FARP1: variants seen among roughly 807,000 people sequenced by gnomAD.
FARP1 encodes the protein FERM, ARHGEF and pleckstrin domain-containing protein 1.
FARP1 carries 52 observed loss-of-function variants against 128.8 expected under a neutral mutation model. The observed-to-expected ratio is 0.40, with a 90% CI of 0.32 to 0.51. The LOEUF (loss-of-function observed/expected upper bound fraction) is 0.51. Among genes scored for constraint, FARP1 ranks in the 20% least tolerant of loss-of-function variants. FARP1 has a pLI of 0.45. For missense variants in FARP1, 1,333 were observed against 1,367.9 expected, an observed-to-expected ratio of 0.97 and a Z score of 0.40; for synonymous variants, 580 against 551.8, an observed-to-expected ratio of 1.05 and a Z score of -0.72.
chr13:98,394,340 C>A (rs1409905616), intron 12 of FARP1, among the ~76,000 whole-genome samples: 2 of 152,184 alleles, frequency 1.3e-5, no homozygotes, highest in Non-Finnish European at 2.9e-5. Flanking sequence ...TCCAAAAAAA[C>A]CCCTTTCCCC....
At chr13:98,369,227 A>C (rs1250317406) in intron 5 of FARP1, among the ~76,000 whole-genome samples, 2 of 152,094 alleles carry the variant, frequency 1.3e-5, no homozygotes, top group Non-Finnish European at 2.9e-5. Flanking sequence ...GCCCAACCTC[A>C]TTTTATAATT....
chr13:98,439,844 T>A, intron 21 of FARP1, 117 bp from the exon 22 acceptor site: 1 of 705,670 alleles, frequency 1.4e-6, no homozygotes. Flanking sequence ...GGGCTCTGGG[T>A]CTCCTGAGCC....
intron 1 of FARP1, among the ~76,000 whole-genome samples, chr13:98,169,760 T>C (rs1036401523): frequency 3.3e-5 from 5 of 152,342 alleles, no homozygotes; most frequent in East Asian, 1.9e-4. Context: ...GATTTTAAAG[T>C]GTCACAACTT....
intron 1 of FARP1, among the ~76,000 whole-genome samples, chr13:98,187,186 A>G (rs1477538261): frequency 6.6e-6 from 1 of 152,020 alleles, no homozygotes; most frequent in Non-Finnish European, 1.5e-5. Flanking sequence ...TTGACCTGGA[A>G]ACTAATGTAT....
At chr13:98,439,435 G>T (rs1892431762) in intron 21 of FARP1, among the ~76,000 whole-genome samples, 1 of 152,204 alleles carries the variant, frequency 6.6e-6, no homozygotes, top group African/African-American at 2.4e-5. Flanking sequence ...TCCTTCTCCT[G>T]CACATGGGAT....
intron 1 of FARP1, among the ~76,000 whole-genome samples, chr13:98,200,387 A>ACCCCCCC (rs34861204): frequency 2.4e-4 from 31 of 127,604 alleles, no homozygotes; most frequent in South Asian, 5.5e-4. Flanking sequence ...TGCAACCTTC[A>ACCCCCCC]CCCCCCCCCC....
At chr13:98,148,999 A>T (rs1875777735) in intron 1 of FARP1, among the ~76,000 whole-genome samples, 1 of 151,486 alleles carries the variant, frequency 6.6e-6, no homozygotes, top group Non-Finnish European at 1.5e-5. Flanking sequence ...TGATCCTCTC[A>T]CGTCGGCCTC....
chr13:98,309,874 T>G (rs1224273522), intron 2 of FARP1, among the ~76,000 whole-genome samples: 1 of 152,150 alleles, frequency 6.6e-6, no homozygotes, highest in Non-Finnish European at 1.5e-5. Flanking sequence ...TTTAACACAA[T>G]GGGAGATACA....
chr13:98,384,619 C>T, intron 6 of FARP1, 111 bp from the exon 7 acceptor site: 4 of 661,548 alleles, frequency 6.0e-6, no homozygotes, highest in Non-Finnish European at 1.1e-5. Flanking sequence ...TCCCCACCAA[C>T]TGGGCTCACC....
chr13:98,443,939 C>T (rs1317631724), intron 24 of FARP1, among the ~76,000 whole-genome samples: 9 of 8,912 alleles, frequency 1.0e-3, no homozygotes, highest in Non-Finnish European at 2.4e-3. Context: ...ATTTGTTCCC[C>T]GTGGCGTCAC....
intron 5 of FARP1, among the ~76,000 whole-genome samples, chr13:98,372,700 C>T (rs181625632): frequency 5.8e-4 from 88 of 152,316 alleles, no homozygotes; most frequent in African/African-American, 2.0e-3. Flanking sequence ...ATGGGTGTGA[C>T]ATGTGACTCT....
chr13:98,151,747 C>T (rs1478845542), intron 1 of FARP1, among the ~76,000 whole-genome samples: 5 of 136,688 alleles, frequency 3.7e-5, no homozygotes, highest in Admixed American at 3.6e-4. Context: ...CTGCAACCTC[C>T]GCCTCCCGGG....
chr13:98,150,657 A>G (rs1003568630), intron 1 of FARP1, among the ~76,000 whole-genome samples: 1 of 152,236 alleles, frequency 6.6e-6, no homozygotes, highest in African/African-American at 2.4e-5. Flanking sequence ...GTAAGGCAAG[A>G]GAAAAGGAGC....
At position 98,449,881 on chromosome 13, in the gene FARP1, CCCCCACTGTT is replaced by C. The variant is rs1435006494; in HGVS notation, c.*1568_*1577del. 6.6e-6 allele frequency: 1 copy of C among 152,328 alleles called. No homozygotes were observed. Among genetic ancestry groups the C allele is most frequent in the Admixed American group, 6.6e-5 (1 of 15,260 alleles). The allele number at this position is 152,328 out of a possible 1,614,324, so 9.4% of individuals were successfully genotyped here. A position where few individuals can be genotyped will look rare whatever the true frequency, so the allele number is the denominator to read the frequency against. ...TCAGAGTGACACAGGGAGGGCCTGC[CCCCCACTGTT>C]CCCTATGCTCCCCCCACCTCCAGGC... On this transcript the variant is annotated 3_prime_UTR_variant, in exon 27 of 27. Transcript: ENST00000319562.
intron 16 of FARP1, among the ~76,000 whole-genome samples, chr13:98,413,852 A>C (rs1220856370): frequency 1.3e-5 from 2 of 152,182 alleles, no homozygotes; most frequent in Non-Finnish European, 2.9e-5. Context: ...GACATGTGTT[A>C]GTACCGTCTT....
At chr13:98,184,233 T>C (rs1351955043) in intron 1 of FARP1, among the ~76,000 whole-genome samples, 3 of 151,928 alleles carry the variant, frequency 2.0e-5, no homozygotes, top group Non-Finnish European at 4.4e-5. Context: ...TTCTCCTGCC[T>C]CAGCCTCCCA....
At chr13:98,415,904 T>C (rs1891357142) in intron 16 of FARP1, among the ~76,000 whole-genome samples, 1 of 152,232 alleles carries the variant, frequency 6.6e-6, no homozygotes, top group African/African-American at 2.4e-5. Context: ...CAGCTGTAGG[T>C]GTGGGCCTCG....
At position 98,236,738 on chromosome 13, in the gene FARP1, T is replaced by A. The variant is rs142610442; in HGVS notation, c.171+23325T>A. On this transcript the variant is annotated intron_variant, in intron 2 of 26. Transcript: ENST00000319562. ...GGCGTGGTGGCTCACGCCTGTAATG[T>A]TAGTACTTTGGGAAGCCAAGGCAGG... is the stretch of plus-strand genomic sequence containing the variant. Among the ~76,000 whole-genome samples the A allele has an allele frequency of 5.7e-4, 86 of 151,440 alleles. No individual in the cohort carries two copies. In the East Asian group the frequency reaches 0.016, roughly 28 times the overall value.
At chr13:98,405,045 G>A (rs1474237580) in intron 13 of FARP1, 1 of 152,166 alleles carries the variant, frequency 6.6e-6, no homozygotes, top group Non-Finnish European at 1.5e-5. Context: ...GATTAGAAAT[G>A]TTTTTCTTTT....
Sources: allele counts gnomAD v4.1 joint callset (sites outside exome capture counted in the v4.1 genomes callset), GRCh38; gene constraint gnomAD v4.1.1; transcripts MANE v1.5; gene names NCBI Gene and HGNC (gene_info 2026-07-23, HGNC 2026-07-21).